RPL6: variants seen among roughly 807,000 people sequenced by gnomAD.
RPL6 encodes the protein ribosomal protein L6.
In RPL6, 1 loss-of-function variant was observed where a neutral mutation model predicts 32.1. The observed-to-expected ratio is 0.03, with a 90% confidence interval of 0.01 to 0.15. The LOEUF (loss-of-function observed/expected upper bound fraction) is 0.15. Among genes scored for constraint, RPL6 ranks in the 10% least tolerant of loss-of-function variants. The pLI is 1.00. For missense variants in RPL6, 275 were observed against 354.6 expected, an observed-to-expected ratio of 0.78 and a Z score of 1.80; for synonymous variants, 126 against 131.6, an observed-to-expected ratio of 0.96 and a Z score of 0.29.
At chr12:112,406,077 G>A in intron 5 of RPL6, 40 bp from the exon 6 acceptor site, 1 of 1,530,266 alleles carries the variant, frequency 6.5e-7, no homozygotes, top group East Asian at 2.3e-5. Flanking sequence ...AAAGGGGGAA[G>A]AATCATCATC....
upstream of RPL6, among the ~76,000 whole-genome samples, chr12:112,410,844 G>T (rs2037333369): frequency 6.6e-6 from 1 of 152,052 alleles, no homozygotes; most frequent in African/African-American, 2.4e-5. Context: ...CAAAGTGCTA[G>T]GATTACAGGC....
chr12:112,406,349 G>A lies in RPL6; in HGVS notation c.481-7C>T, dbSNP rs972174831. ...GCTTCAGGAAAACCACCCTCTGTAA[G>A]TTAAAAAGAAAATAATTAGTTTTCT... On this transcript the variant is annotated splice_polypyrimidine_tract_variant and splice_region_variant and intron_variant, in intron 4 of 6. Coordinates refer to ENST00000202773, the MANE Select transcript of RPL6 (RefSeq NM_000970.6). 3.2e-5 allele frequency: 52 copies of A among 1,609,848 alleles called. No homozygotes were observed. The highest frequency in any genetic ancestry group is 4.4e-5 in the Non-Finnish European group (52 of 1,176,644).
upstream of RPL6, among the ~76,000 whole-genome samples, chr12:112,412,865 A>G (rs1448868972): frequency 6.6e-6 from 1 of 151,786 alleles, no homozygotes. Flanking sequence ...CAGAGGTTGC[A>G]GTGAGCCGAG....
chr12:112,407,989 G>A (rs1202573886), intron 3 of RPL6: 1 of 462,220 alleles, frequency 2.2e-6, no homozygotes, highest in Admixed American at 3.8e-5. Context: ...CAAAGTGCTG[G>A]GATTACAGGC....
At position 112,408,529 on chromosome 12, in the gene RPL6, T is replaced by C. The variant is rs998129429; in HGVS notation, c.128A>G (p.His43Arg). 1.9e-6 allele frequency: 3 copies of C among 1,612,202 alleles called. No individual in the cohort carries two copies. The highest frequency in any genetic ancestry group is 2.7e-5 in the African/African-American group (2 of 74,942). ...KAKKPKKGKP[H>R]CSRNPVLVRG... ...GACAAGGACAGGGTTGCGGCTGCAA[T>C]GGGGCTTCCCCTTCTTGGGCTTTTT... Residue 43 changes from histidine (H) to arginine (R), a missense_variant, in exon 2 of 7, where the codon CAT (histidine) becomes CGT (arginine). Coordinates refer to ENST00000202773, the MANE Select transcript of RPL6 (RefSeq NM_000970.6).
At chr12:112,416,381 C>T (rs1039520523) in intron 1 of RPL6, among the ~76,000 whole-genome samples, 24 of 152,016 alleles carry the variant, frequency 1.6e-4, no homozygotes, top group African/African-American at 5.6e-4. Context: ...CCTCGTGATC[C>T]GCCCGCCTCA....
Position 112,409,569 on chromosome 12 carries a change from C to G in RPL6, c.-1+18G>C, listed in dbSNP as rs1831532535. ...GAGTCCTGAACTCAAGTCTTGCAGA[C>G]AGGCCCGCGATTCTTACCTTGCAAG... On this transcript the variant is annotated intron_variant, in intron 1 of 6. Transcript: ENST00000202773. The G allele has an allele frequency of 2.5e-6, 1 of 398,622 alleles. No homozygotes were observed. The highest frequency in any genetic ancestry group is 1.3e-4 in the South Asian group (1 of 7,862). 24.7% of individuals were successfully genotyped at this position (398,622 alleles called of 1,614,324 possible).
At chr12:112,408,862 A>G (rs1315545380) in intron 1 of RPL6, 1 of 523,486 alleles carries the variant, frequency 1.9e-6, no homozygotes. Context: ...AATACACTAT[A>G]AACTTTTTTT....
chr12:112,410,029 C>T (rs1184734536), upstream of RPL6, among the ~76,000 whole-genome samples: 1 of 151,004 alleles, frequency 6.6e-6, no homozygotes, highest in African/African-American at 2.4e-5. Flanking sequence ...AAAAAAGGGC[C>T]GGACACGGTG....
At chr12:112,409,535 A>G (rs2037295679) in intron 1 of RPL6, 52 bp downstream of exon 1, 4 of 398,444 alleles carry the variant, frequency 1.0e-5, no homozygotes, top group Non-Finnish European at 1.8e-5. Context: ...TCGGATGGCG[A>G]AGGATTGGGA....
chr12:112,417,242 G>A (rs2037424124), intron 1 of RPL6, among the ~76,000 whole-genome samples: 1 of 152,034 alleles, frequency 6.6e-6, no homozygotes, highest in East Asian at 1.9e-4. Context: ...ATTTTTAGTT[G>A]AGACGGGGTC....
intron 3 of RPL6, chr12:112,407,870 G>C (rs1009903495): frequency 5.1e-6 from 1 of 197,890 alleles, no homozygotes; most frequent in Non-Finnish European, 1.0e-5. Flanking sequence ...TGGGACTACA[G>C]GCACGCAACC....
chr12:112,406,843 G>A lies in RPL6; in HGVS notation c.384C>T (p.His128=), dbSNP rs575918216. Residue 128 remains histidine (H), a synonymous_variant, in exon 4 of 7, where the codon CAC becomes CAT. Coordinates refer to ENST00000202773, the MANE Select transcript of RPL6 (RefSeq NM_000970.6). ...CGTGCTGACTGAAGGGTTTTTTGCCGTGGCTCAACAGCTTTCGAGGCACAT... is the reference window on the plus strand; with the variant it reads ...CGTGCTGACTGAAGGGTTTTTTGCCATGGCTCAACAGCTTTCGAGGCACAT... ...TEDVPRKLLS[H]GKKPFSQHVR... is the part of the protein sequence containing the mutation. 39 of 1,614,200 alleles carry A rather than the reference G, an allele frequency of 2.4e-5. No homozygotes were observed. Among genetic ancestry groups the A allele is most frequent in the East Asian group, 4.5e-5 (2 of 44,892 alleles).
intron 1 of RPL6, among the ~76,000 whole-genome samples, chr12:112,416,338 A>G (rs2037409907): frequency 6.6e-6 from 1 of 151,824 alleles, no homozygotes; most frequent in Non-Finnish European, 1.5e-5. Context: ...ATGGGGTTTC[A>G]CTGTGTTAGC....
chr12:112,412,887 G>T (rs2037357620), upstream of RPL6, among the ~76,000 whole-genome samples: 1 of 151,672 alleles, frequency 6.6e-6, no homozygotes, highest in African/African-American at 2.4e-5. Context: ...TTGTGCCACT[G>T]CACTCCAGCC....
At chr12:112,416,429 G>A (rs1005269750) in intron 1 of RPL6, among the ~76,000 whole-genome samples, 5 of 152,000 alleles carry the variant, frequency 3.3e-5, no homozygotes, top group African/African-American at 7.3e-5. Context: ...GTGAGCCACC[G>A]CGCCCAGCCC....
chr12:112,418,644 A>G, intron 1 of RPL6: 1 of 286,416 alleles, frequency 3.5e-6, no homozygotes, highest in East Asian at 5.9e-5. Context: ...TGGAGCGGCG[A>G]TTTGTGGAAC....
At chr12:112,406,679 T>G in intron 4 of RPL6, 68 bp downstream of exon 4, 1 of 1,589,728 alleles carries the variant, frequency 6.3e-7, no homozygotes, top group Non-Finnish European at 8.6e-7. Context: ...ACACCTAGCG[T>G]GCAAACGCAT....
At chr12:112,417,698 A>G (rs2037434596) in intron 1 of RPL6, among the ~76,000 whole-genome samples, 2 of 147,060 alleles carry the variant, frequency 1.4e-5, no homozygotes, top group African/African-American at 2.5e-5. Context: ...GAGCCACCAT[A>G]CCTGGCCTGA....
Sources: gnomAD v4.1 joint callset for allele counts (sites outside exome capture counted in the v4.1 genomes callset) on GRCh38, gnomAD v4.1.1 for gene constraint, MANE v1.5 for transcripts, NCBI Gene and HGNC (gene_info 2026-07-23, HGNC 2026-07-21) for gene names.